Variants in EYS observed in about 807,000 individuals in gnomAD.
EYS encodes EGF-like photoreceptor maintenance factor, also known as protein eyes shut homolog.
A neutral mutation model predicts 282.1 loss-of-function variants in EYS; 250 were observed. The observed-to-expected ratio is 0.89, with a 90% CI of 0.80 to 0.98. EYS has a LOEUF of 0.98. Ranked by LOEUF, EYS falls within the 50% of genes least tolerant of loss-of-function variation. The pLI, the probability that EYS is intolerant of heterozygous loss-of-function variation, is 0.00. For synonymous variants in EYS, 1,355 were observed against 1,282.9 expected (o/e 1.06, Z -1.20); for missense variants, 4,016 against 3,709.0 (o/e 1.08, Z -2.15).
intron 2 of EYS, among the ~76,000 whole-genome samples, chr6:65,532,932 TA>T (rs934571790): frequency 1.1e-4 from 16 of 152,148 alleles, no homozygotes; most frequent in African/African-American, 3.9e-4. Flanking sequence ...TTAGGATCTT[TA>T]AAAATATCTC....
At chr6:65,696,804 C>T (rs1464709252) in intron 1 of EYS, among the ~76,000 whole-genome samples, 5 of 151,914 alleles carry the variant, frequency 3.3e-5, no homozygotes, top group Admixed American at 6.6e-5. Flanking sequence ...TTATGCACTG[C>T]TTAAATAAAT....
chr6:65,172,338 G>A (rs1444332418), intron 12 of EYS, among the ~76,000 whole-genome samples: 2 of 151,408 alleles, frequency 1.3e-5, no homozygotes, highest in Non-Finnish European at 3.0e-5. Flanking sequence ...ATATGCCCAT[G>A]CAAACATCAT....
intron 40 of EYS, among the ~76,000 whole-genome samples, chr6:63,772,167 A>AT (rs762369443): frequency 0.05 from 7,335 of 146,326 alleles, 264 homozygotes; most frequent in Non-Finnish European, 0.074. Context: ...AAAAAGAAAG[A>AT]TTTTTTTTTT....
At chr6:65,663,816 G>T (rs1028496158) in intron 1 of EYS, among the ~76,000 whole-genome samples, 22 of 151,158 alleles carry the variant, frequency 1.5e-4, no homozygotes, top group African/African-American at 5.1e-4. Flanking sequence ...TAGTAGCTGG[G>T]ACTACGGGCG....
chr6:65,475,760 C>G (rs909464091), intron 5 of EYS, among the ~76,000 whole-genome samples: 8 of 151,270 alleles, frequency 5.3e-5, no homozygotes, highest in South Asian at 2.1e-4. Context: ...CAGACAGACA[C>G]ACACACACAC....
intron 22 of EYS, among the ~76,000 whole-genome samples, chr6:64,698,591 A>T (rs934023614): frequency 6.6e-6 from 1 of 152,172 alleles, no homozygotes; most frequent in Non-Finnish European, 1.5e-5. Context: ...TGTATCTGAC[A>T]AAGGTCTAAT....
intron 2 of EYS, among the ~76,000 whole-genome samples, chr6:65,577,770 A>G (rs1430408958): frequency 2.0e-5 from 3 of 151,408 alleles, no homozygotes; most frequent in African/African-American, 7.3e-5. Context: ...AAAAATGGAC[A>G]AAATACCTGA....
At chr6:64,063,097 T>C (rs912403091) in intron 33 of EYS, among the ~76,000 whole-genome samples, 1 of 152,172 alleles carries the variant, frequency 6.6e-6, no homozygotes, top group Non-Finnish European at 1.5e-5. Flanking sequence ...CATCTTTCAG[T>C]ATACAGTTAT....
intron 12 of EYS, among the ~76,000 whole-genome samples, chr6:65,223,712 A>C (rs915663677): frequency 6.6e-6 from 1 of 152,194 alleles, no homozygotes; most frequent in Non-Finnish European, 1.5e-5. Flanking sequence ...ACACTACCAC[A>C]GTAGTCTAGG....
chr6:64,665,154 A>C (rs1769185100), intron 22 of EYS, among the ~76,000 whole-genome samples: 1 of 152,210 alleles, frequency 6.6e-6, no homozygotes, highest in African/African-American at 2.4e-5. Context: ...AACTTTGTCC[A>C]CTGTAATAAT....
intron 22 of EYS, among the ~76,000 whole-genome samples, chr6:64,793,751 T>A (rs1583164510): frequency 6.6e-6 from 1 of 152,212 alleles, no homozygotes; most frequent in East Asian, 1.9e-4. Context: ...AGTTGAAATT[T>A]TAAGAAAATG....
At chr6:65,688,539 C>T (rs758232521) in intron 1 of EYS, among the ~76,000 whole-genome samples, 14 of 151,952 alleles carry the variant, frequency 9.2e-5, no homozygotes, top group African/African-American at 3.4e-4. Flanking sequence ...ACACCAAAAG[C>T]GATGGCAACA....
intron 12 of EYS, among the ~76,000 whole-genome samples, chr6:65,283,467 C>T (rs1209104703): frequency 6.6e-6 from 1 of 151,868 alleles, no homozygotes; most frequent in Non-Finnish European, 1.5e-5. Context: ...ATTGTCGTGA[C>T]TATTTGTTAA....
intron 12 of EYS, among the ~76,000 whole-genome samples, chr6:65,265,569 T>A (rs953695254): frequency 6.6e-6 from 1 of 152,028 alleles, no homozygotes; most frequent in Admixed American, 6.6e-5. Flanking sequence ...ACAATGTGTA[T>A]AGAGTATTGT....
In EYS at chr6:64,468,465, T is replaced by C. The variant is rs548491130; in HGVS notation, c.5645-29113A>G. Among the ~76,000 whole-genome samples the C allele has an allele frequency of 3.3e-4, 51 of 152,298 alleles. No homozygotes were observed. In the South Asian group the frequency reaches 3.8e-3, roughly 11 times the overall value. ...ACACAGATATGAGAAACCAAAATAT[T>C]ATGACAACTCCAAAGTAACAAAATA... On this transcript the variant is annotated intron_variant, in intron 26 of 42. Transcript: ENST00000503581.
At position 64,757,240 on chromosome 6, in the gene EYS, T is replaced by A. The variant is rs144480777; in HGVS notation, c.3443+56138A>T. Among the ~76,000 whole-genome samples the A allele has an allele frequency of 3.7e-4, 57 of 152,240 alleles. No individual in the cohort carries two copies. The East Asian group carries it at 0.011, about 28-fold the overall frequency. ...TATCATCTCCCCATAGAGGAATCCT[T>A]CTCCAACCTGAAAAGTTAGTCCTGT... On this transcript the variant is annotated intron_variant, in intron 22 of 42. Transcript: ENST00000503581.
At chr6:65,214,158 C>CAAAAAAAAAAA (rs58213904) in intron 12 of EYS, among the ~76,000 whole-genome samples, 1 of 29,254 alleles carries the variant, frequency 3.4e-5, no homozygotes, top group African/African-American at 1.5e-4. Flanking sequence ...GACTCCGTCT[C>CAAAAAAAAAAA]AAAAAAAAAA....
chr6:64,543,748 G>C (rs2149800536), intron 26 of EYS, among the ~76,000 whole-genome samples: 1 of 152,216 alleles, frequency 6.6e-6, no homozygotes, highest in African/African-American at 2.4e-5. Context: ...GTCCAGAGAA[G>C]AAAATAATTT....
chr6:64,611,882 A>T (rs952057344), intron 24 of EYS, among the ~76,000 whole-genome samples: 6 of 152,176 alleles, frequency 3.9e-5, no homozygotes, highest in African/African-American at 1.4e-4. Flanking sequence ...TACTTAAAAG[A>T]GCATTACGAG....
Sources: gnomAD v4.1 joint callset for allele counts (sites outside exome capture counted in the v4.1 genomes callset) on GRCh38, gnomAD v4.1.1 for gene constraint, MANE v1.5 for transcripts, NCBI Gene and HGNC (gene_info 2026-07-23, HGNC 2026-07-21) for gene names.